Variants in SHE observed in about 807,000 individuals in gnomAD.
SHE encodes the protein Src homology 2 domain containing E, also known as SH2 domain-containing adapter protein E.
A neutral mutation model predicts 49.8 loss-of-function variants in SHE; 11 were observed. The ratio of observed to expected loss-of-function variants is 0.22; its 90% CI spans 0.14 to 0.37. SHE has a LOEUF of 0.37. SHE is among the 10% of genes least tolerant of loss of function. The pLI, the probability that SHE is intolerant of heterozygous loss-of-function variation, is 1.00. For missense variants in SHE, 624 were observed against 655.5 expected, an observed-to-expected ratio of 0.95 and a Z score of 0.52; for synonymous variants, 310 against 278.1, an observed-to-expected ratio of 1.11 and a Z score of -1.14.
rs1692023270 is a variant in SHE at position 154,481,750 on chromosome 1, GA to G, written c.*2398del. 6 of 964,038 alleles carry G rather than the reference GA, an allele frequency of 6.2e-6. No individual in the cohort carries two copies. Among genetic ancestry groups the G allele is most frequent in the Non-Finnish European group, 7.4e-6 (6 of 810,694 alleles). 59.7% of individuals were successfully genotyped at this position (964,038 alleles called of 1,614,324 possible). On this transcript the variant is annotated 3_prime_UTR_variant, in exon 6 of 6. Transcript: ENST00000304760. ...AATAAATATTTGTTGAATGGATGCT[GA>G]AAAAACCTTTTAAAATCTTACACTA...
At chr1:154,491,523 G>T (rs1475422775) in intron 2 of SHE, among the ~76,000 whole-genome samples, 1 of 152,140 alleles carries the variant, frequency 6.6e-6, no homozygotes, top group Non-Finnish European at 1.5e-5. Flanking sequence ...AGTTAAACAG[G>T]TGCCACGGCT....
Position 154,481,166 on chromosome 1 carries a change from T to C in SHE, c.*2983A>G. On this transcript the variant is annotated 3_prime_UTR_variant, in exon 6 of 6. Transcript: ENST00000304760. ...CCATGGAGGTTTAACAAGGAAGCCA[T>C]TAGGGACACCCTGCTGGGCCTAATT... 1.0e-6 allele frequency: 1 copy of C among 985,428 alleles called. No individual in the cohort carries two copies. Among genetic ancestry groups the C allele is most frequent in the Non-Finnish European group, 1.2e-6 (1 of 829,924 alleles). 61.0% of individuals were successfully genotyped at this position (985,428 alleles called of 1,614,324 possible).
chr1:154,491,103 A>G (rs1692347482), intron 2 of SHE, among the ~76,000 whole-genome samples: 1 of 152,182 alleles, frequency 6.6e-6, no homozygotes, highest in African/African-American at 2.4e-5. Context: ...ATAGACCAAC[A>G]GAAATGTCAT....
At chr1:154,494,155 T>A (rs911693662) in intron 2 of SHE, among the ~76,000 whole-genome samples, 4 of 152,192 alleles carry the variant, frequency 2.6e-5, no homozygotes, top group African/African-American at 9.6e-5. Context: ...CCCGACAATT[T>A]TTTACTCATA....
intron 4 of SHE, 142 bp from the exon 5 acceptor site, chr1:154,486,204 A>G (rs1316916836): frequency 1.9e-5 from 22 of 1,183,690 alleles, no homozygotes; most frequent in Non-Finnish European, 2.4e-6. Flanking sequence ...CTTCACATTC[A>G]GAACAGACAA....
Position 154,483,465 on chromosome 1 carries a change from AT to A in SHE, c.*683del, listed in dbSNP as rs1352997119. On this transcript the variant is annotated 3_prime_UTR_variant, in exon 6 of 6. Transcript: ENST00000304760. Reference sequence around the variant, plus strand: ...ACCATCATGTGGAAAAGCCACGTGGATTTTTTGTTGGTTTGTTTAGAGACCA... The same window carrying A: ...ACCATCATGTGGAAAAGCCACGTGGATTTTTGTTGGTTTGTTTAGAGACCA... 4.1e-6 allele frequency: 4 copies of A among 985,236 alleles called. No individual in the cohort carries two copies. In the Admixed American group the frequency reaches 1.8e-4, roughly 45 times the overall value. 61.0% of individuals were successfully genotyped at this position (985,236 alleles called of 1,614,324 possible).
At position 154,485,948 on chromosome 1, in the gene SHE, G is replaced by A; in HGVS notation, c.1296C>T (p.Ala432=). The part of the protein sequence containing the change: ...SESGNSRYSI[A]LKTSQGCVHI... ...AAGCCATGGGGCTTACTTACTTTAG[G>A]GCAATGGAGTACCTGCTGTTCCCTG... The change falls in exon 5 of 6, where the codon GCC becomes GCT. Residue 432 remains alanine, a synonymous_variant. Coordinates refer to ENST00000304760, the MANE Select transcript of SHE (RefSeq NM_001010846.3). 1 of 1,613,636 alleles carries A rather than the reference G, an allele frequency of 6.2e-7. No homozygotes were observed.
rs542802471 is a variant in SHE at position 154,499,283 on chromosome 1, C to G, written c.592-45G>C. ...GACAGTTGCTAAGGGCCACCGTATA[C>G]CAAAATGGCAATGGTATCAAAATGG... On this transcript the variant is annotated intron_variant, in intron 1 of 5. Coordinates refer to ENST00000304760, the MANE Select transcript of SHE (RefSeq NM_001010846.3). 4.4e-6 allele frequency: 7 copies of G among 1,578,386 alleles called. No individual in the cohort carries two copies. In the African/African-American group the frequency reaches 6.8e-5, roughly 15 times the overall value.
chr1:154,497,437 T>G (rs1472281066), intron 2 of SHE, among the ~76,000 whole-genome samples: 1 of 152,264 alleles, frequency 6.6e-6, no homozygotes, highest in Non-Finnish European at 1.5e-5. Context: ...GATGGAAGAC[T>G]GTTTAAGGAA....
At chr1:154,473,359 C>A (rs1304715859) in intron 1 of SHE, among the ~76,000 whole-genome samples, 1 of 151,808 alleles carries the variant, frequency 6.6e-6, no homozygotes, top group African/African-American at 2.4e-5. Flanking sequence ...CCTGTAGTCC[C>A]AGCTACCTGG....
chr1:154,482,175 A>G lies in SHE; in HGVS notation c.*1974T>C. The G allele has an allele frequency of 3.4e-6, 1 of 290,870 alleles. No individual in the cohort carries two copies. The highest frequency in any genetic ancestry group is 5.1e-6 in the Non-Finnish European group (1 of 195,408). The allele number at this position is 290,870 out of a possible 1,614,324, so 18.0% of individuals were successfully genotyped here. A position where few individuals can be genotyped will look rare whatever the true frequency, so the allele number is the denominator to read the frequency against. Reference sequence around the variant, plus strand: ...ACTACAGGTGCCCGCCACCGTGCCCAGCTAATTTTTGTATTTTTACTACAG... The same window carrying G: ...ACTACAGGTGCCCGCCACCGTGCCCGGCTAATTTTTGTATTTTTACTACAG... On this transcript the variant is annotated 3_prime_UTR_variant, in exon 6 of 6. Transcript: ENST00000304760.
chr1:154,473,310 A>ATT, intron 1 of SHE, among the ~76,000 whole-genome samples: 1 of 151,870 alleles, frequency 6.6e-6, no homozygotes, highest in Non-Finnish European at 1.5e-5. Flanking sequence ...CTACAAAATA[A>ATT]TTTTTAAAAA....
intron 1 of SHE, among the ~76,000 whole-genome samples, chr1:154,471,594 C>A (rs1308532610): frequency 2.6e-5 from 4 of 151,856 alleles, no homozygotes; most frequent in African/African-American, 9.7e-5. Context: ...AACAAGCAAA[C>A]AAAACACCAC....
downstream of SHE, among the ~76,000 whole-genome samples, chr1:154,476,372 C>T (rs557377239): frequency 5.3e-5 from 8 of 152,132 alleles, no homozygotes; most frequent in South Asian, 1.2e-3. Flanking sequence ...AGGCCGAGCA[C>T]GGTGGTTCAT....
chr1:154,495,980 G>C (rs1270681962), intron 2 of SHE, among the ~76,000 whole-genome samples: 2 of 152,160 alleles, frequency 1.3e-5, no homozygotes, highest in African/African-American at 4.8e-5. Context: ...AAGAAAGACG[G>C]GAAATTTCCG....
chr1:154,486,510 C>G lies in SHE; in HGVS notation c.1181+17G>C. 2 of 1,613,462 alleles carry G rather than the reference C, an allele frequency of 1.2e-6. No individual in the cohort carries two copies. The highest frequency in any genetic ancestry group is 1.7e-6 in the Non-Finnish European group (2 of 1,179,772). On this transcript the variant is annotated intron_variant, in intron 4 of 5. Coordinates refer to ENST00000304760, the MANE Select transcript of SHE (RefSeq NM_001010846.3). ...CCCAGCTGTTGTCTGTTACAAGGAT[C>G]TGAGGAGGAGACTCACGGCTGCTTC...
At position 154,489,280 on chromosome 1, in the gene SHE, G is replaced by A. The variant is rs1692291521; in HGVS notation, c.795C>T (p.Asp265=). The A allele has an allele frequency of 6.2e-6, 10 of 1,614,112 alleles. No homozygotes were observed. Among genetic ancestry groups the A allele is most frequent in the East Asian group, 2.2e-5 (1 of 44,898 alleles). ...QLLDSPCEPA[D]GGLKSETLAK... ...CCAAGGTCTCTGATTTCAGGCCACC[G>A]TCTGCGGGTTCACAGGGACTGTCAA... Residue 265 remains aspartate (D), a synonymous_variant, in exon 3 of 6, where the codon GAC becomes GAT. Transcript: ENST00000304760.
rs1236569432 is a variant in SHE, at chr1:154,489,278, C to T, written c.797G>A (p.Gly266Asp). 5.0e-6 allele frequency: 8 copies of T among 1,614,112 alleles called. No homozygotes were observed. Among genetic ancestry groups the T allele is most frequent in the South Asian group, 3.3e-5 (3 of 91,094 alleles). The part of the protein sequence containing the change: ...LLDSPCEPAD[G>D]GLKSETLAKR... ...GGCCAAGGTCTCTGATTTCAGGCCA[C>T]CGTCTGCGGGTTCACAGGGACTGTC... Residue 266 changes from glycine (G) to aspartate (D), a missense_variant, in exon 3 of 6, where the codon GGT becomes GAT. Around this residue, in one of 4 missense-constraint regions of SHE, gnomAD observed 155 missense variants for 142.0 expected, o/e 1.09. Coordinates refer to ENST00000304760, the MANE Select transcript of SHE (RefSeq NM_001010846.3).
At chr1:154,477,196 C>T (rs1691897046), downstream of SHE, among the ~76,000 whole-genome samples, 1 of 152,178 alleles carries the variant, frequency 6.6e-6, no homozygotes, top group South Asian at 2.1e-4. Context: ...AACCCAATTC[C>T]TTTTTCCCTT....
Sources: allele counts gnomAD v4.1 joint callset (sites outside exome capture counted in the v4.1 genomes callset), GRCh38; gene constraint gnomAD v4.1.1; regional missense constraint gnomAD v4.1.1; transcripts MANE v1.5; gene names NCBI Gene and HGNC (gene_info 2026-07-23, HGNC 2026-07-21).